NAV2: variants seen among roughly 807,000 people sequenced by gnomAD.
NAV2 encodes the protein neuron navigator 2.
Under a neutral mutation model 223.2 loss-of-function variants are expected in NAV2, and 54 were observed. The ratio of observed to expected loss-of-function variants is 0.24; its 90% CI spans 0.19 to 0.30. NAV2 has a LOEUF of 0.30. Among genes scored for constraint, NAV2 ranks in the 10% least tolerant of loss-of-function variants. The pLI, the probability that NAV2 is intolerant of heterozygous loss-of-function variation, is 1.00. For synonymous variants in NAV2, 1,279 were observed against 1,239.3 expected (o/e 1.03, Z -0.67); for missense variants, 2,806 against 3,147.5 (o/e 0.89, Z 2.60).
At chr11:20,103,599 G>A (rs940722539) in intron 33 of NAV2, 54 bp from the exon 34 acceptor site, 6 of 1,593,962 alleles carry the variant, frequency 3.8e-6, no homozygotes, top group Non-Finnish European at 5.2e-6. Flanking sequence ...TGACCACCTT[G>A]TTCTCTAGCT....
chr11:19,917,528 C>T (rs73439555), intron 6 of NAV2, among the ~76,000 whole-genome samples: 2,791 of 152,204 alleles, frequency 0.018, 89 homozygotes, highest in African/African-American at 0.064. Context: ...CCCCTCTTAC[C>T]CTCACAGACA....
intron 1 of NAV2, among the ~76,000 whole-genome samples, chr11:19,360,216 AC>A (rs2133779449): frequency 1.3e-5 from 2 of 152,282 alleles, no homozygotes; most frequent in Admixed American, 1.3e-4. Context: ...AATTATTAGC[AC>A]AATCTTCCCA....
intron 1 of NAV2, among the ~76,000 whole-genome samples, chr11:19,359,613 G>A (rs1211702651): frequency 6.6e-6 from 1 of 152,234 alleles, no homozygotes; most frequent in East Asian, 1.9e-4. Context: ...CCCATGGAAT[G>A]TTCTGAAATA....
Position 19,714,421 on chromosome 11 carries a change from A to C in NAV2, c.267+459A>C, listed in dbSNP as rs750151332. On this transcript the variant is annotated intron_variant, in intron 1 of 37. Transcript: ENST00000349880. The stretch of plus-strand genomic sequence containing the variant: ...TTCGACGCCCCCTAGCCTGGCTGTA[A>C]GATCCAGGAAGAAAAGGGGATCGCG... 1.7e-4 allele frequency: 80 copies of C among 459,404 alleles called. 1 individual carries two copies. The highest frequency in any genetic ancestry group is 1.2e-3 in the South Asian group (80 of 64,592). The allele number at this position is 459,404 out of a possible 1,614,324, so 28.5% of individuals were successfully genotyped here. A position where few individuals can be genotyped will look rare whatever the true frequency, so the allele number is the denominator to read the frequency against.
At chr11:19,977,739 C>A (rs916354890) in intron 10 of NAV2, among the ~76,000 whole-genome samples, 3 of 147,964 alleles carry the variant, frequency 2.0e-5, no homozygotes, top group Non-Finnish European at 4.5e-5. Flanking sequence ...TCAGAGCATT[C>A]TCTTCTTCCT....
chr11:19,648,709 G>A (rs975765550), intron 1 of NAV2, among the ~76,000 whole-genome samples: 1 of 152,166 alleles, frequency 6.6e-6, no homozygotes, highest in African/African-American at 2.4e-5. Flanking sequence ...GCTATGGTTA[G>A]CCTTCAGGAT....
At chr11:19,909,672 C>T (rs896845029) in intron 6 of NAV2, among the ~76,000 whole-genome samples, 7 of 152,072 alleles carry the variant, frequency 4.6e-5, no homozygotes, top group African/African-American at 1.7e-4. Flanking sequence ...CTGGGAAGCA[C>T]ATTTCTTCAG....
At chr11:20,043,218 C>T (rs547153499) in intron 12 of NAV2, among the ~76,000 whole-genome samples, 141 of 152,154 alleles carry the variant, frequency 9.3e-4, no homozygotes, top group African/African-American at 3.2e-3. Flanking sequence ...GATCTCTCTG[C>T]GGTGCAGTGA....
intron 11 of NAV2, among the ~76,000 whole-genome samples, chr11:20,008,372 A>G (rs2053267318): frequency 6.6e-6 from 1 of 152,170 alleles, no homozygotes. Context: ...AAAAGTTTAA[A>G]TCAGTGTATG....
At chr11:19,880,467 A>G (rs1407308798) in intron 5 of NAV2, among the ~76,000 whole-genome samples, 1 of 152,212 alleles carries the variant, frequency 6.6e-6, no homozygotes, top group Non-Finnish European at 1.5e-5. Flanking sequence ...TACAAGCTGA[A>G]TGTTCACTGT....
intron 1 of NAV2, among the ~76,000 whole-genome samples, chr11:19,382,646 A>G (rs1461368937): frequency 6.6e-6 from 1 of 152,206 alleles, no homozygotes; most frequent in Non-Finnish European, 1.5e-5. Flanking sequence ...ACATCATCCC[A>G]ACAATAGTAG....
At chr11:19,842,761 A>G (rs1432413814) in intron 2 of NAV2, 110 bp from the exon 3 acceptor site, 12 of 926,880 alleles carry the variant, frequency 1.3e-5, no homozygotes, top group Non-Finnish European at 1.0e-5. Context: ...CACTGATTGG[A>G]CAAACCCTGG....
chr11:19,444,640 C>G (rs1851519624), intron 1 of NAV2, among the ~76,000 whole-genome samples: 1 of 152,074 alleles, frequency 6.6e-6, no homozygotes, highest in South Asian at 2.1e-4. Flanking sequence ...GTTGAACCAC[C>G]AAGAGTTTGG....
At chr11:19,787,268 A>ATTTTT (rs1565315820) in intron 1 of NAV2, among the ~76,000 whole-genome samples, 5 of 29,406 alleles carry the variant, frequency 1.7e-4, no homozygotes, top group African/African-American at 5.4e-4. Flanking sequence ...TTTTTATTGG[A>ATTTTT]TCTTTTTTTT....
intron 1 of NAV2, among the ~76,000 whole-genome samples, chr11:19,382,941 C>G (rs1848899472): frequency 6.6e-6 from 1 of 152,156 alleles, no homozygotes; most frequent in African/African-American, 2.4e-5. Context: ...CTGTTAGCTG[C>G]TATTACTCTT....
At chr11:19,547,077 G>A (rs1224422850) in intron 1 of NAV2, among the ~76,000 whole-genome samples, 3 of 152,170 alleles carry the variant, frequency 2.0e-5, no homozygotes, top group Non-Finnish European at 4.4e-5. Context: ...TATTGACATG[G>A]GGGTGGTCCC....
In NAV2 at chr11:19,933,053, G is replaced by T; in HGVS notation, c.932-123G>T. ...CTAACCACAGATAATCCACAAAGTG[G>T]GCAATGGAGCTATACGGCATTTGGG... On this transcript the variant is annotated intron_variant, in intron 6 of 37. Transcript: ENST00000349880. The surrounding 1 kb of genome is among the most constrained non-coding windows in gnomAD (Gnocchi z 4.3). 1.7e-6 allele frequency: 2 copies of T among 1,175,086 alleles called. No individual in the cohort carries two copies. The highest frequency in any genetic ancestry group is 2.3e-6 in the Non-Finnish European group (2 of 875,134). The allele number at this position is 1,175,086 out of a possible 1,614,324, so 72.8% of individuals were successfully genotyped here.
chr11:19,457,925 C>T (rs952946259), intron 1 of NAV2, among the ~76,000 whole-genome samples: 2 of 152,142 alleles, frequency 1.3e-5, no homozygotes, highest in Non-Finnish European at 2.9e-5. Flanking sequence ...GTTGCTGGGA[C>T]ATGCACGGAA....
chr11:20,114,527 C>A, intron 36 of NAV2, 65 bp from the exon 37 acceptor site: 1 of 1,508,256 alleles, frequency 6.6e-7, no homozygotes, highest in Non-Finnish European at 9.1e-7. Context: ...CAGAAAGCTG[C>A]AAAACTGGGG....
Sources: allele counts gnomAD v4.1 joint callset (sites outside exome capture counted in the v4.1 genomes callset), GRCh38; gene constraint gnomAD v4.1.1; non-coding constraint Gnocchi (gnomAD v3.1); transcripts MANE v1.5; gene names NCBI Gene and HGNC (gene_info 2026-07-23, HGNC 2026-07-21).